MRPS18A: variants seen among roughly 807,000 people sequenced by gnomAD.
MRPS18A encodes mitochondrial ribosomal protein S18A.
A neutral mutation model predicts 22.7 loss-of-function variants in MRPS18A; 20 were observed. The ratio of observed to expected loss-of-function variants is 0.88; its 90% CI spans 0.62 to 1.28. The LOEUF is 1.28. Among genes scored for constraint, MRPS18A ranks in the 50% most tolerant of loss-of-function variants. The probability of loss-of-function intolerance (pLI) is 0.00; values close to 1 mark genes in which losing one functional copy is unlikely to be tolerated. For missense variants in MRPS18A, 294 were observed against 262.6 expected, an observed-to-expected ratio of 1.12 and a Z score of -0.83; for synonymous variants, 106 against 99.1, an observed-to-expected ratio of 1.07 and a Z score of -0.41.
intron 1 of MRPS18A, among the ~76,000 whole-genome samples, chr6:43,684,966 T>A (rs7757349): frequency 0.21 from 31,624 of 152,120 alleles, 7,850 homozygotes; most frequent in African/African-American, 0.6. Context: ...CCAACCATAA[T>A]GGCACTAAAT....
chr6:43,682,669 A>G (rs548273362), intron 1 of MRPS18A, among the ~76,000 whole-genome samples: 12 of 152,362 alleles, frequency 7.9e-5, no homozygotes, highest in African/African-American at 2.9e-4. Flanking sequence ...ATCTACTTGT[A>G]CAGAACACAG....
intron 3 of MRPS18A, 110 bp downstream of exon 3, chr6:43,678,408 G>A: frequency 1.2e-6 from 1 of 802,724 alleles, no homozygotes; most frequent in Non-Finnish European, 2.1e-6. Context: ...ATCTCTGGTG[G>A]TTCCATGAAA....
chr6:43,671,976 C>A, intron 5 of MRPS18A, 70 bp from the exon 6 acceptor site: 1 of 1,481,350 alleles, frequency 6.8e-7, no homozygotes, highest in Non-Finnish European at 9.0e-7. Context: ...GAGTGGAGCA[C>A]TACCTCCTCA....
chr6:43,680,971 T>C (rs1318511981), intron 2 of MRPS18A, 118 bp downstream of exon 2: 2 of 880,606 alleles, frequency 2.3e-6, no homozygotes, highest in Non-Finnish European at 3.7e-6. Flanking sequence ...TTTATGGTCA[T>C]TGAGGGAGCT....
intron 2 of MRPS18A, among the ~76,000 whole-genome samples, chr6:43,680,357 T>C (rs528852481): frequency 9.2e-5 from 14 of 152,236 alleles, no homozygotes; most frequent in Middle Eastern, 3.4e-3. Flanking sequence ...TTGGGGAGGA[T>C]TGAGCTTGGC....
rs1774797157 is a variant in MRPS18A, at chr6:43,687,698, A to ACCAGCTGGTCGCTGCCGGGC, written c.62_81dup (p.Ser28AlafsTer28). The ACCAGCTGGTCGCTGCCGGGC allele has an allele frequency of 6.3e-7, 1 of 1,582,580 alleles. No homozygotes were observed. Among genetic ancestry groups the ACCAGCTGGTCGCTGCCGGGC allele is most frequent in the Non-Finnish European group, 8.6e-7 (1 of 1,164,508 alleles). ...CTGAACCCGCGAGCTGGAAGCCGAGACCAGCTGGTCGCTGCCGGGCCCGCT... is the reference window on the plus strand; with the variant it reads ...CTGAACCCGCGAGCTGGAAGCCGAGACCAGCTGGTCGCTGCCGGGCCCAGCTGGTCGCTGCCGGGCCCGCT... On this transcript the variant is annotated frameshift_variant, in exon 1 of 6. Coordinates refer to ENST00000372133, the MANE Select transcript of MRPS18A (RefSeq NM_018135.4). LOFTEE classifies it high-confidence loss of function.
chr6:43,679,079 C>T lies in MRPS18A; in HGVS notation c.145-454G>A, dbSNP rs112316922. On this transcript the variant is annotated intron_variant, in intron 2 of 5. Transcript: ENST00000372133. ...AAGCCTCCCTCCCATCCCACATGTC[C>T]TCCTAGCGGGAAACTGCAGTTCCCA... Among the ~76,000 whole-genome samples, 93 of 152,338 alleles carry T rather than the reference C, an allele frequency of 6.1e-4. 1 individual carries two copies. The highest frequency in any genetic ancestry group is 3.4e-3 in the Middle Eastern group (1 of 294).
intron 3 of MRPS18A, among the ~76,000 whole-genome samples, chr6:43,676,686 C>A (rs992520998): frequency 6.6e-6 from 1 of 152,204 alleles, no homozygotes; most frequent in Non-Finnish European, 1.5e-5. Context: ...CATAGAATGG[C>A]TTAAGGGGTT....
At chr6:43,671,950 C>A in intron 5 of MRPS18A, 44 bp from the exon 6 acceptor site, 2 of 1,533,886 alleles carry the variant, frequency 1.3e-6, no homozygotes, top group East Asian at 2.4e-5. Context: ...GCTGGGGGCC[C>A]AAGCTGGACG....
Position 43,672,375 on chromosome 6 carries a change from C to G in MRPS18A, c.447-469G>C, listed in dbSNP as rs1159538816. 4 of 471,832 alleles carry G rather than the reference C, an allele frequency of 8.5e-6. No individual in the cohort carries two copies. In the Admixed American group the frequency reaches 9.4e-5, roughly 11 times the overall value. The allele number at this position is 471,832 out of a possible 1,614,324, so 29.2% of individuals were successfully genotyped here. A position where few individuals can be genotyped will look rare whatever the true frequency, so the allele number is the denominator to read the frequency against. Reference sequence around the variant, plus strand: ...ACTATAACTGGTATAAGACCCCTGCCCCTCACCCAACCTGTGATGGGAATC... The same window carrying G: ...ACTATAACTGGTATAAGACCCCTGCGCCTCACCCAACCTGTGATGGGAATC... On this transcript the variant is annotated intron_variant, in intron 5 of 5. Coordinates refer to ENST00000372133, the MANE Select transcript of MRPS18A (RefSeq NM_018135.4).
At chr6:43,672,243 C>T in intron 5 of MRPS18A, 2 of 436,206 alleles carry the variant, frequency 4.6e-6, no homozygotes, top group Middle Eastern at 7.2e-4. Flanking sequence ...TCCTCTCTGG[C>T]CTCAGCCATG....
intron 3 of MRPS18A, among the ~76,000 whole-genome samples, chr6:43,678,044 C>A (rs926118420): frequency 6.6e-6 from 1 of 152,118 alleles, no homozygotes. Context: ...TTCCATCCCA[C>A]AAGAGTACAA....
intron 2 of MRPS18A, among the ~76,000 whole-genome samples, chr6:43,679,868 G>A (rs1046772406): frequency 5.3e-5 from 8 of 152,068 alleles, no homozygotes; most frequent in Non-Finnish European, 1.2e-4. Flanking sequence ...TTGGGGGTGG[G>A]GAGAGCTAAC....
chr6:43,683,301 G>A (rs530028485), intron 1 of MRPS18A, among the ~76,000 whole-genome samples: 15 of 152,268 alleles, frequency 9.9e-5, no homozygotes, highest in African/African-American at 3.4e-4. Context: ...AAACCAGAAG[G>A]AATGACCTGA....
Position 43,675,262 on chromosome 6 carries a change from G to C in MRPS18A, c.386C>G (p.Pro129Arg). ...TTCAGGAAGCCGAGGCCTGTGATTT[G>C]GTAATAGACCTGAGTGGCGGGGAAG... ...VKMAHRAGLL[P>R]NHRPRLPEGV... Residue 129 changes from proline to arginine, a missense_variant, in exon 5 of 6, where the codon CCA becomes CGA. Physicochemically the swap from Pro to Arg is moderately radical, Grantham distance 103. Transcript: ENST00000372133. The C allele has an allele frequency of 6.5e-7, 1 of 1,527,566 alleles. No homozygotes were observed. Among genetic ancestry groups the C allele is most frequent in the Non-Finnish European group, 8.8e-7 (1 of 1,138,462 alleles). 94.6% of individuals were successfully genotyped at this position (1,527,566 alleles called of 1,614,324 possible).
At chr6:43,687,524 G>C in intron 1 of MRPS18A, 144 bp downstream of exon 1, 1 of 688,218 alleles carries the variant, frequency 1.5e-6, no homozygotes, top group South Asian at 1.8e-5. Context: ...TGTGGAAGGG[G>C]CTTTTAAGCA....
intron 3 of MRPS18A, 23 bp from the exon 4 acceptor site, chr6:43,675,640 G>A (rs369860856): frequency 1.3e-6 from 2 of 1,588,466 alleles, no homozygotes; most frequent in Admixed American, 1.7e-5. Flanking sequence ...GAAAATAGGG[G>A]ATGAGGGTCA....
chr6:43,682,161 T>C (rs544655800), intron 1 of MRPS18A, among the ~76,000 whole-genome samples: 16 of 152,288 alleles, frequency 1.1e-4, no homozygotes, highest in South Asian at 6.2e-4. Flanking sequence ...TAGCCAGGCA[T>C]GGTGGCATGC....
At chr6:43,682,419 T>C (rs1248550172) in intron 1 of MRPS18A, among the ~76,000 whole-genome samples, 11 of 152,214 alleles carry the variant, frequency 7.2e-5, no homozygotes, top group South Asian at 6.2e-4. Flanking sequence ...CAACACCTAA[T>C]TGGACACAGA....
Sources: gnomAD v4.1 joint callset for allele counts (sites outside exome capture counted in the v4.1 genomes callset) on GRCh38, gnomAD v4.1.1 for gene constraint, MANE v1.5 for transcripts, NCBI Gene and HGNC (gene_info 2026-07-23, HGNC 2026-07-21) for gene names.